Variants in PHLPP1 observed in about 807,000 individuals in gnomAD.
The protein encoded by PHLPP1 is PH domain and leucine rich repeat protein phosphatase 1.
In PHLPP1, 42 loss-of-function variants were observed where a neutral mutation model predicts 117.2. That is an observed-to-expected ratio of 0.36 (90% CI 0.28 to 0.46). PHLPP1 has a LOEUF of 0.46. PHLPP1 is among the 20% of genes least tolerant of loss of function. PHLPP1 has a pLI of 1.00. For missense variants in PHLPP1, 2,084 were observed against 2,241.9 expected, an observed-to-expected ratio of 0.93 and a Z score of 1.42; for synonymous variants, 1,042 against 970.7, an observed-to-expected ratio of 1.07 and a Z score of -1.37.
intron 11 of PHLPP1, among the ~76,000 whole-genome samples, chr18:62,943,811 A>G (rs1000783538): frequency 7.9e-5 from 12 of 152,104 alleles, no homozygotes; most frequent in African/African-American, 2.9e-4. Flanking sequence ...GTATCACTAT[A>G]TTTTTTTCAA....
intron 1 of PHLPP1, among the ~76,000 whole-genome samples, chr18:62,740,159 C>T (rs990799292): frequency 3.2e-4 from 1 of 3,120 alleles, no homozygotes; most frequent in Non-Finnish European, 5.8e-4. Context: ...TGTGTTTGGG[C>T]GGGAGGGAGG....
intron 3 of PHLPP1, among the ~76,000 whole-genome samples, chr18:62,843,244 A>G (rs1368655980): frequency 1.3e-5 from 2 of 152,186 alleles, no homozygotes; most frequent in Non-Finnish European, 2.9e-5. Context: ...AAACAAACCA[A>G]CAACAGGAAC....
In PHLPP1 at chr18:62,716,252, C is replaced by T. The variant is rs776115259; in HGVS notation, c.569C>T (p.Ser190Leu). 1.6e-5 allele frequency: 25 copies of T among 1,529,950 alleles called. 1 individual carries two copies. In the South Asian group the frequency reaches 2.8e-4, roughly 17 times the overall value. The allele number at this position is 1,529,950 out of a possible 1,614,324, so 94.8% of individuals were successfully genotyped here. A position where few individuals can be genotyped will look rare whatever the true frequency, so the allele number is the denominator to read the frequency against. ...CGGCAGACGCTGCAGCTGCAGCCGT[C>T]GGACCGGGACTGGGTGAGGCACCAG... ...KHRQTLQLQP[S>L]DRDWVRHQLQ... is the part of the protein sequence containing the mutation. Residue 190 changes from serine (S) to leucine (L), a missense_variant, in exon 1 of 17, where the codon TCG (serine) becomes TTG (leucine). Physicochemically the swap from Ser to Leu is moderately radical, Grantham distance 145 (BLOSUM62 -2). Coordinates refer to ENST00000262719, the MANE Select transcript of PHLPP1 (RefSeq NM_194449.4). This position sits in a 1 kb window ranked among gnomAD's most constrained non-coding sequence, Gnocchi z 5.7.
Position 62,726,583 on chromosome 18 carries a change from CT to C in PHLPP1, c.1576+9345del, listed in dbSNP as rs869190741. ...CTTTCCTTTTCTGTTCTGTTCTGTTCTTTTTTTTTTTTTTTTTTTTTATGGA... is the reference window on the plus strand; with the variant it reads ...CTTTCCTTTTCTGTTCTGTTCTGTTCTTTTTTTTTTTTTTTTTTTTATGGA... On this transcript the variant is annotated intron_variant, in intron 1 of 16. Transcript: ENST00000262719. Among the ~76,000 whole-genome samples the C allele has an allele frequency of 5.6e-3, 618 of 110,016 alleles. 3 individuals carry two copies. Among genetic ancestry groups the C allele is most frequent in the East Asian group, 0.019 (76 of 3,922 alleles). The allele number at this position is 110,016 out of a possible 152,430, so 72.2% of individuals were successfully genotyped here. A position where few individuals can be genotyped will look rare whatever the true frequency, so the allele number is the denominator to read the frequency against.
chr18:62,849,778 T>C (rs2144351084), intron 3 of PHLPP1, among the ~76,000 whole-genome samples: 1 of 74,176 alleles, frequency 1.3e-5, no homozygotes, highest in East Asian at 4.6e-4. Context: ...CTGGGCAACA[T>C]AGCAAGGCCC....
intron 1 of PHLPP1, among the ~76,000 whole-genome samples, chr18:62,811,091 G>T (rs964956581): frequency 6.6e-6 from 1 of 152,172 alleles, no homozygotes; most frequent in Non-Finnish European, 1.5e-5. Context: ...TGTTTTGCTG[G>T]GTTTGAGAAT....
intron 1 of PHLPP1, among the ~76,000 whole-genome samples, chr18:62,803,863 G>C (rs1290801631): frequency 6.6e-6 from 1 of 152,096 alleles, no homozygotes; most frequent in South Asian, 2.1e-4. Flanking sequence ...GCTATTGTTG[G>C]TCTTAAGCTC....
At chr18:62,865,266 C>T (rs959314443) in intron 4 of PHLPP1, among the ~76,000 whole-genome samples, 2 of 152,176 alleles carry the variant, frequency 1.3e-5, no homozygotes, top group African/African-American at 2.4e-5. Context: ...TTTGAGGCTG[C>T]GGTGAGCCAT....
chr18:62,833,525 C>G (rs1914808508), intron 2 of PHLPP1, among the ~76,000 whole-genome samples: 1 of 152,140 alleles, frequency 6.6e-6, no homozygotes, highest in African/African-American at 2.4e-5. Flanking sequence ...CATTGCCTCC[C>G]CTAGCCCTAG....
At position 62,905,409 on chromosome 18, in the gene PHLPP1, A is replaced by T. The variant is rs79936092; in HGVS notation, c.2708+125A>T. ...AAATGCTAAAAAATTAATGATTTTTACTTTATTCTCTAAAATTATATATAT... is the reference window on the plus strand; with the variant it reads ...AAATGCTAAAAAATTAATGATTTTTTCTTTATTCTCTAAAATTATATATAT... On this transcript the variant is annotated intron_variant, in intron 8 of 16. Transcript: ENST00000262719. The T allele has an allele frequency of 2.6e-3, 1,129 of 435,392 alleles. 17 individuals carry two copies. Among genetic ancestry groups the T allele is most frequent in the African/African-American group, 0.021 (1,032 of 49,322 alleles). 27.0% of individuals were successfully genotyped at this position (435,392 alleles called of 1,614,324 possible). A position where few individuals can be genotyped will look rare whatever the true frequency, so the allele number is the denominator to read the frequency against.
chr18:62,760,423 G>A (rs191391655), intron 1 of PHLPP1, among the ~76,000 whole-genome samples: 172 of 152,262 alleles, frequency 1.1e-3, no homozygotes, highest in Middle Eastern at 3.4e-3. Flanking sequence ...TGTGATATTC[G>A]ATTAGGTTTT....
At chr18:62,852,024 G>A (rs1391877796) in intron 3 of PHLPP1, among the ~76,000 whole-genome samples, 1 of 151,342 alleles carries the variant, frequency 6.6e-6, no homozygotes, top group Admixed American at 6.6e-5. Context: ...CTATAGGCAC[G>A]TGCCACCACA....
chr18:62,906,621 G>T (rs1304010137), intron 8 of PHLPP1, among the ~76,000 whole-genome samples: 1 of 42,158 alleles, frequency 2.4e-5, no homozygotes, highest in African/African-American at 9.4e-5. Context: ...GGCGCACCAC[G>T]AGACTATATC....
chr18:62,906,429 GC>G (rs1219390422), intron 8 of PHLPP1: 2 of 150,468 alleles, frequency 1.3e-5, no homozygotes, highest in East Asian at 4.0e-4. Flanking sequence ...CAGACAGTGG[GC>G]GCAGGCCAGT....
chr18:62,844,124 A>G (rs1423513569), intron 3 of PHLPP1, among the ~76,000 whole-genome samples: 1 of 152,216 alleles, frequency 6.6e-6, no homozygotes, highest in East Asian at 1.9e-4. Flanking sequence ...AGGCAGGCAG[A>G]TCACCTGAGG....
At chr18:62,783,447 GCCGATCT>G (rs1913184495) in intron 1 of PHLPP1, among the ~76,000 whole-genome samples, 1 of 151,886 alleles carries the variant, frequency 6.6e-6, no homozygotes. Context: ...CCAGGATGGT[GCCGATCT>G]CCTGACCTCG....
intron 1 of PHLPP1, among the ~76,000 whole-genome samples, chr18:62,788,258 G>A (rs1228895081): frequency 6.6e-6 from 1 of 152,118 alleles, no homozygotes; most frequent in Non-Finnish European, 1.5e-5. Context: ...CTGCCCAGGT[G>A]TCCTGGGCAC....
intron 1 of PHLPP1, among the ~76,000 whole-genome samples, chr18:62,721,930 T>C (rs1910931436): frequency 6.6e-6 from 1 of 152,224 alleles, no homozygotes; most frequent in South Asian, 2.1e-4. Context: ...TTCACTGACA[T>C]TGTATGTGAT....
intron 9 of PHLPP1, among the ~76,000 whole-genome samples, chr18:62,919,325 C>G (rs1211407210): frequency 6.6e-6 from 1 of 152,146 alleles, no homozygotes; most frequent in African/African-American, 2.4e-5. Context: ...CCAAACAGCT[C>G]TTTAAGTCTC....
Sources: allele counts gnomAD v4.1 joint callset (sites outside exome capture counted in the v4.1 genomes callset), GRCh38; gene constraint gnomAD v4.1.1; non-coding constraint Gnocchi (gnomAD v3.1); transcripts MANE v1.5; gene names NCBI Gene and HGNC (gene_info 2026-07-23, HGNC 2026-07-21).